NID2: variants seen among roughly 807,000 people sequenced by gnomAD.
The protein encoded by NID2 is nidogen 2, also known as nidogen-2.
In NID2, 83 loss-of-function variants were observed where a neutral mutation model predicts 145.4. That is an observed-to-expected ratio of 0.57 (90% CI 0.48 to 0.69). The LOEUF (loss-of-function observed/expected upper bound fraction) is 0.69, where lower values mean the gene tolerates loss of function less well. NID2 is among the 30% of genes least tolerant of loss of function. NID2 has a pLI of 0.00. For synonymous variants in NID2, 739 were observed against 701.3 expected (o/e 1.05, Z -0.85); for missense variants, 1,807 against 1,765.7 (o/e 1.02, Z -0.42).
At position 52,042,992 on chromosome 14, in the gene NID2, C is replaced by T. The variant is rs146844480; in HGVS notation, c.1430-61G>A. ...AATGATTCCAATGTCACTGCTGCATCGGGGACACAACATCTGCTCCATAGA... is the reference window on the plus strand; with the variant it reads ...AATGATTCCAATGTCACTGCTGCATTGGGGACACAACATCTGCTCCATAGA... On this transcript the variant is annotated intron_variant, in intron 5 of 21. Transcript: ENST00000216286. 4.2e-5 allele frequency: 64 copies of T among 1,529,650 alleles called. No homozygotes were observed. The African/African-American group carries it at 4.6e-4, about 11-fold the overall frequency. The allele number at this position is 1,529,650 out of a possible 1,614,324, so 94.8% of individuals were successfully genotyped here.
intron 19 of NID2, chr14:52,007,148 T>C (rs2140339310): frequency 6.5e-6 from 1 of 154,122 alleles, no homozygotes; most frequent in East Asian, 1.9e-4. Flanking sequence ...ATTTTTACAA[T>C]AGCTAAACCA....
intron 18 of NID2, chr14:52,009,360 T>C (rs939022534): frequency 6.6e-6 from 1 of 152,216 alleles, no homozygotes; most frequent in East Asian, 1.9e-4. Flanking sequence ...TATTTGGGGA[T>C]TGCCAGAGGA....
chr14:52,014,089 G>A lies in NID2; in HGVS notation c.3420+198C>T, dbSNP rs1321196806. On this transcript the variant is annotated intron_variant, in intron 16 of 21. Transcript: ENST00000216286. ...TGAACGAACCAGAGAGCACAGCCTTGGTCAGTGACAGGTGACTCCCAGCAA... is the reference window on the plus strand; with the variant it reads ...TGAACGAACCAGAGAGCACAGCCTTAGTCAGTGACAGGTGACTCCCAGCAA... 7 of 671,990 alleles carry A rather than the reference G, an allele frequency of 1.0e-5. No individual in the cohort carries two copies. The East Asian group carries it at 1.9e-4, about 18-fold the overall frequency. The allele number at this position is 671,990 out of a possible 1,614,324, so 41.6% of individuals were successfully genotyped here. A position where few individuals can be genotyped will look rare whatever the true frequency, so the allele number is the denominator to read the frequency against.
At position 52,006,810 on chromosome 14, in the gene NID2, C is replaced by T. The variant is rs945332403; in HGVS notation, c.3881-150G>A. ...ATTAGCAACTGTAAAATTACCTGTC[C>T]TATTACTAGTCTCCAGTTTTTAGTA... On this transcript the variant is annotated intron_variant, in intron 19 of 21. Transcript: ENST00000216286. 3 of 711,842 alleles carry T rather than the reference C, an allele frequency of 4.2e-6. No homozygotes were observed. The African/African-American group carries it at 5.4e-5, about 13-fold the overall frequency. 44.1% of individuals were successfully genotyped at this position (711,842 alleles called of 1,614,324 possible).
chr14:52,009,316 C>G (rs928878173), intron 18 of NID2: 1 of 152,176 alleles, frequency 6.6e-6, no homozygotes, highest in Admixed American at 6.5e-5. Context: ...AACAATAAGT[C>G]TGAAACAAGC....
rs757691544 is a variant in NID2 at position 52,029,554 on chromosome 14, G to C, written c.2394C>G (p.Asn798Lys). Residue 798 changes from asparagine (N) to lysine (K), a missense_variant, in exon 10 of 22, where the codon AAC becomes AAG. Asn to Lys is a moderately conservative substitution (Grantham distance 94, BLOSUM62 0). Coordinates refer to ENST00000216286, the MANE Select transcript of NID2 (RefSeq NM_007361.4). ...CASGYQGDGR[N>K]CVDENECATG... ...CGAGAACATGGCTCTTACCCACACAGTTCCGTCCATCTCCCTGGTACCCAG... is the reference window on the plus strand; with the variant it reads ...CGAGAACATGGCTCTTACCCACACACTTCCGTCCATCTCCCTGGTACCCAG... 14 of 1,612,640 alleles carry C rather than the reference G, an allele frequency of 8.7e-6. No homozygotes were observed. The highest frequency in any genetic ancestry group is 1.2e-5 in the Non-Finnish European group (14 of 1,178,830).
intron 14 of NID2, among the ~76,000 whole-genome samples, chr14:52,017,921 TG>T (rs562763102): frequency 3.9e-5 from 6 of 152,058 alleles, no homozygotes; most frequent in Non-Finnish European, 8.8e-5. Flanking sequence ...TGGGTTCAAG[TG>T]ATTCTCCTGC....
chr14:52,010,640 T>A, intron 18 of NID2: 2 of 442,788 alleles, frequency 4.5e-6, no homozygotes, highest in Non-Finnish European at 8.2e-6. Flanking sequence ...CACAGACTAA[T>A]ATTGTTTATA....
In NID2 at chr14:52,065,101, A is replaced by G. The variant is rs561838259; in HGVS notation, c.534+2757T>C. 1.7e-4 allele frequency among the ~76,000 whole-genome samples: 26 copies of G among 150,900 alleles called. No homozygotes were observed. In the South Asian group the frequency reaches 5.4e-3, roughly 32 times the overall value. ...CACTATTTGTTCACATTTTTTTTTC[A>G]GATACAATTACACCTTGACATTCCT... On this transcript the variant is annotated intron_variant, in intron 2 of 21. Transcript: ENST00000216286.
intron 3 of NID2, among the ~76,000 whole-genome samples, chr14:52,055,030 C>G (rs892428784): frequency 6.6e-6 from 1 of 152,184 alleles, no homozygotes; most frequent in African/African-American, 2.4e-5. Flanking sequence ...AAAACTCTAC[C>G]AAATACTGAC....
chr14:52,028,096 A>T (rs1891655472), intron 11 of NID2, among the ~76,000 whole-genome samples: 1 of 152,194 alleles, frequency 6.6e-6, no homozygotes. Context: ...TTTAGGCTCT[A>T]TCTAAAGAGC....
chr14:52,042,636 C>T, intron 6 of NID2, 146 bp downstream of exon 6: 1 of 875,432 alleles, frequency 1.1e-6, no homozygotes, highest in East Asian at 2.5e-5. Context: ...TCATTCCTCA[C>T]ACATTTATTG....
At position 52,006,531 on chromosome 14, in the gene NID2, GC is replaced by G. The variant is rs762107123; in HGVS notation, c.4004+5del. 7 of 1,613,354 alleles carry G rather than the reference GC, an allele frequency of 4.3e-6. No homozygotes were observed. The highest frequency in any genetic ancestry group is 5.9e-6 in the Non-Finnish European group (7 of 1,179,450). On this transcript the variant is annotated splice_donor_5th_base_variant and intron_variant, in intron 20 of 21. Transcript: ENST00000216286. The stretch of plus-strand genomic sequence containing the variant: ...TTCAGGCTTGTCCAGAATTTGTGGG[GC>G]TCACCTCCTCCAGTCTGTGTGGTAG...
chr14:52,057,108 C>T (rs1009035561), intron 3 of NID2, among the ~76,000 whole-genome samples: 2 of 152,268 alleles, frequency 1.3e-5, no homozygotes, highest in African/African-American at 4.8e-5. Flanking sequence ...TGTGATTGAT[C>T]ATGGCTCACT....
intron 14 of NID2, among the ~76,000 whole-genome samples, chr14:52,015,556 C>G (rs17124880): frequency 0.1 from 15,357 of 152,256 alleles, 813 homozygotes; most frequent in Non-Finnish European, 0.11. Flanking sequence ...GAGGTAAGAT[C>G]AGCAGTGCAG....
Position 52,005,302 on chromosome 14 carries a change from C to T in NID2, c.*184G>A, listed in dbSNP as rs1051878700. On this transcript the variant is annotated 3_prime_UTR_variant, in exon 22 of 22. Transcript: ENST00000216286. ...ATAACAACCTTCATTTTTAAAAATA[C>T]AGTAGTAAAGATTGAGGTATCAGCT... The T allele has an allele frequency of 6.2e-5, 27 of 434,780 alleles. No individual in the cohort carries two copies. Among genetic ancestry groups the T allele is most frequent in the Non-Finnish European group, 8.7e-5 (22 of 251,882 alleles). The allele number at this position is 434,780 out of a possible 1,614,324, so 26.9% of individuals were successfully genotyped here.
intron 14 of NID2, among the ~76,000 whole-genome samples, chr14:52,017,632 T>C (rs74049334): frequency 0.1 from 15,354 of 152,034 alleles, 817 homozygotes; most frequent in Non-Finnish European, 0.11. Context: ...TCCCAACCAT[T>C]TGATTTCTTC....
At chr14:52,054,545 CT>C (rs35156085) in intron 3 of NID2, among the ~76,000 whole-genome samples, 1 of 152,126 alleles carries the variant, frequency 6.6e-6, no homozygotes. Context: ...CTACAAAACC[CT>C]TTTCTAAAAA....
chr14:52,042,124 C>A lies in NID2; in HGVS notation c.1806G>T (p.Glu602Asp), dbSNP rs61747585. The A allele has an allele frequency of 0.04, 63,935 of 1,602,780 alleles. 1,424 individuals are homozygous for A. The highest frequency in any genetic ancestry group is 0.059 in the African/African-American group (4,445 of 74,812). The change falls in exon 7 of 22, where the codon GAG becomes GAT. Residue 602 changes from glutamate (E) to aspartate (D), a missense_variant. Glu to Asp is a conservative substitution (Grantham distance 45). Coordinates refer to ENST00000216286, the MANE Select transcript of NID2 (RefSeq NM_007361.4). ...ACTCACCTGCGAGGCTGAAGCCGTT[C>A]TCAGAGCCAGGTTTTTCTAAAGCAA... ...WLFALEKPGS[E>D]NGFSLAGAAF...
Sources: allele counts gnomAD v4.1 joint callset (sites outside exome capture counted in the v4.1 genomes callset), GRCh38; gene constraint gnomAD v4.1.1; transcripts MANE v1.5; gene names NCBI Gene and HGNC (gene_info 2026-07-23, HGNC 2026-07-21).